The following AEN variants were observed in gnomAD, a reference collection of about 807,000 sequenced individuals.
The protein encoded by AEN is apoptosis enhancing nuclease, also known as apoptosis-enhancing nuclease.
AEN carries 21 observed loss-of-function variants against 17.7 expected under a neutral mutation model. The observed-to-expected ratio is 1.19, with a 90% CI of 0.84 to 1.71. The LOEUF (loss-of-function observed/expected upper bound fraction) is 1.71. AEN is among the 40% of genes most tolerant of loss of function. AEN has a pLI of 0.00. For synonymous variants in AEN, 190 were observed against 173.0 expected (o/e 1.10, Z -0.77); for missense variants, 462 against 435.9 (o/e 1.06, Z -0.53).
chr15:88,614,190 A>T, the AEN span, among the ~76,000 whole-genome samples: 1 of 152,080 alleles, frequency 6.6e-6, no homozygotes, highest in Admixed American at 6.5e-5. Context: ...ACAATTTACT[A>T]CTGTTTTTAT....
chr15:88,615,884 C>A, the AEN span, among the ~76,000 whole-genome samples: 2 of 152,152 alleles, frequency 1.3e-5, no homozygotes, highest in Admixed American at 1.3e-4. Context: ...GTACACAGGG[C>A]AGGCAGAATG....
At chr15:88,627,296 C>T (rs2057866812) in intron 2 of AEN, 1 of 156,652 alleles carries the variant, frequency 6.4e-6, no homozygotes, top group Non-Finnish European at 1.4e-5. Context: ...GGGCTCTGAC[C>T]CATGTTCCAA....
chr15:88,612,197 A>G, the AEN span, among the ~76,000 whole-genome samples: 2 of 152,110 alleles, frequency 1.3e-5, no homozygotes, highest in Non-Finnish European at 2.9e-5. Context: ...AATTCCCCCA[A>G]CAATCACTTT....
the AEN span, among the ~76,000 whole-genome samples, chr15:88,610,514 T>C: frequency 6.6e-6 from 1 of 152,058 alleles, no homozygotes; most frequent in Non-Finnish European, 1.5e-5. Flanking sequence ...AAAGAACTTC[T>C]TGGTTTTTCT....
At chr15:88,620,061 T>C (rs2057769408), upstream of AEN, among the ~76,000 whole-genome samples, 1 of 152,172 alleles carries the variant, frequency 6.6e-6, no homozygotes, top group Non-Finnish European at 1.5e-5. Context: ...GGTAAAAGGA[T>C]TGATCTCTCT....
the AEN span, among the ~76,000 whole-genome samples, chr15:88,609,480 G>A: frequency 1.3e-5 from 2 of 152,122 alleles, no homozygotes; most frequent in Non-Finnish European, 2.9e-5. Flanking sequence ...ACATGGAGTG[G>A]CCACATTGAG....
rs146546255 is a variant in AEN at position 88,631,529 on chromosome 15, T to C, written c.*1235T>C. On this transcript the variant is annotated 3_prime_UTR_variant, in exon 4 of 4. Coordinates refer to ENST00000332810, the MANE Select transcript of AEN (RefSeq NM_022767.4). Reference sequence around the variant, plus strand: ...CTTCACTCTTGAGGCTGTTTTTTCCTCATCTGTAAAGTGGGGATAGTGGTA... The same window carrying C: ...CTTCACTCTTGAGGCTGTTTTTTCCCCATCTGTAAAGTGGGGATAGTGGTA... 2 of 201,236 alleles carry C rather than the reference T, an allele frequency of 9.9e-6. No homozygotes were observed. Among genetic ancestry groups the C allele is most frequent in the East Asian group, 2.2e-4 (2 of 9,038 alleles). 12.5% of individuals were successfully genotyped at this position (201,236 alleles called of 1,614,324 possible).
the AEN span, among the ~76,000 whole-genome samples, chr15:88,605,830 C>A: frequency 1.1e-4 from 17 of 152,224 alleles, no homozygotes; most frequent in African/African-American, 4.1e-4. This position sits in a 1 kb window ranked among gnomAD's most constrained non-coding sequence, Gnocchi z 7.6. Flanking sequence ...AGAGGCTGGA[C>A]AGCGCCCCGG....
At chr15:88,608,644 G>C in the AEN span, among the ~76,000 whole-genome samples, 1 of 152,208 alleles carries the variant, frequency 6.6e-6, no homozygotes, top group Non-Finnish European at 1.5e-5. Context: ...TCAGCTCTCA[G>C]CTTTGGTGTT....
chr15:88,629,297 T>C lies in AEN; in HGVS notation c.612T>C (p.Tyr204=). The C allele has an allele frequency of 1.2e-6, 2 of 1,614,122 alleles. No individual in the cohort carries two copies. The highest frequency in any genetic ancestry group is 1.3e-5 in the African/African-American group (1 of 75,012). The change falls in exon 3 of 4, where the codon TAT becomes TAC. Residue 204 remains tyrosine (Y), a synonymous_variant. Coordinates refer to ENST00000332810, the MANE Select transcript of AEN (RefSeq NM_022767.4). ...ALHNDFQALK[Y]VHPRSQTRDT... ...ACAACGACTTCCAGGCGCTCAAGTA[T>C]GTCCACCCTCGGAGCCAGACCCGGG...
Position 88,630,942 on chromosome 15 carries a change from A to G in AEN, c.*648A>G. The G allele has an allele frequency of 2.4e-5, 8 of 335,338 alleles. No homozygotes were observed. The highest frequency in any genetic ancestry group is 1.8e-4 in the South Asian group (8 of 43,894). The allele number at this position is 335,338 out of a possible 1,614,324, so 20.8% of individuals were successfully genotyped here. A position where few individuals can be genotyped will look rare whatever the true frequency, so the allele number is the denominator to read the frequency against. On this transcript the variant is annotated 3_prime_UTR_variant, in exon 4 of 4. Coordinates refer to ENST00000332810, the MANE Select transcript of AEN (RefSeq NM_022767.4). This position sits in a 1 kb window ranked among gnomAD's most constrained non-coding sequence, Gnocchi z 5.1. ...GCCTGTCAGCTCCCTGCTAGGCTAC[A>G]GTGGAATAGCAGAGCCCACAGGCTT...
chr15:88,611,552 C>T, the AEN span, among the ~76,000 whole-genome samples: 247 of 151,890 alleles, frequency 1.6e-3, no homozygotes, highest in Non-Finnish European at 3.1e-3. Flanking sequence ...GCTGTGATTG[C>T]ACCACTGCAC....
At chr15:88,618,443 T>C (rs537596571), upstream of AEN, among the ~76,000 whole-genome samples, 7 of 152,326 alleles carry the variant, frequency 4.6e-5, no homozygotes, top group East Asian at 5.8e-4. Flanking sequence ...TAGATTGAAA[T>C]GTTGTTGTAA....
intron 2 of AEN, chr15:88,627,601 TG>T (rs1309392191): frequency 6.6e-6 from 1 of 152,116 alleles, no homozygotes; most frequent in East Asian, 1.9e-4. Flanking sequence ...TGAGTTTCTG[TG>T]AAGTGGTTGA....
At chr15:88,607,618 G>A in the AEN span, among the ~76,000 whole-genome samples, 2 of 152,164 alleles carry the variant, frequency 1.3e-5, no homozygotes, top group Non-Finnish European at 2.9e-5. Flanking sequence ...ACACGGGGTT[G>A]GAGAACATTT....
Position 88,631,113 on chromosome 15 carries a change from C to G in AEN, c.*819C>G, listed in dbSNP as rs1230137643. ...AGGGATTTCCCCAGTCCACCCAGTA[C>G]TGGGCTCTTAAGCAAAAGTCTGAGA... On this transcript the variant is annotated 3_prime_UTR_variant, in exon 4 of 4. Transcript: ENST00000332810. 4 of 456,622 alleles carry G rather than the reference C, an allele frequency of 8.8e-6. No individual in the cohort carries two copies. The highest frequency in any genetic ancestry group is 1.8e-5 in the Non-Finnish European group (4 of 226,970). The allele number at this position is 456,622 out of a possible 1,614,324, so 28.3% of individuals were successfully genotyped here.
At position 88,631,644 on chromosome 15, in the gene AEN, TCTG is replaced by T. The variant is rs1360834811; in HGVS notation, c.*1351_*1353del. On this transcript the variant is annotated 3_prime_UTR_variant, in exon 4 of 4. Coordinates refer to ENST00000332810, the MANE Select transcript of AEN (RefSeq NM_022767.4). ...TGGTGAGCCACAGCTACTGTGAGTT[TCTG>T]TTTATCCCCCTTTTTTTTTTTTAAG... 6.5e-6 allele frequency: 1 copy of T among 152,698 alleles called. No homozygotes were observed. Among genetic ancestry groups the T allele is most frequent in the African/African-American group, 2.4e-5 (1 of 41,446 alleles). The allele number at this position is 152,698 out of a possible 1,614,324, so 9.5% of individuals were successfully genotyped here. A position where few individuals can be genotyped will look rare whatever the true frequency, so the allele number is the denominator to read the frequency against.
intron 1 of AEN, among the ~76,000 whole-genome samples, chr15:88,624,143 A>G (rs1415340207): frequency 6.6e-6 from 1 of 152,168 alleles, no homozygotes; most frequent in East Asian, 1.9e-4. Context: ...TGTCTCCACC[A>G]TGAAACTAAA....
the AEN span, among the ~76,000 whole-genome samples, chr15:88,610,913 G>T: frequency 7.2e-5 from 11 of 152,288 alleles, no homozygotes; most frequent in African/African-American, 2.6e-4. Flanking sequence ...CAGGGGCTTT[G>T]CCTCTCCTCC....
Sources: allele counts gnomAD v4.1 joint callset (sites outside exome capture counted in the v4.1 genomes callset), GRCh38; gene constraint gnomAD v4.1.1; non-coding constraint Gnocchi (gnomAD v3.1); transcripts MANE v1.5; gene names NCBI Gene and HGNC (gene_info 2026-07-23, HGNC 2026-07-21).